MB21D2: variants seen among roughly 807,000 people sequenced by gnomAD.
The protein encoded by MB21D2 is Mab-21 domain containing 2.
A neutral mutation model predicts 33.3 loss-of-function variants in MB21D2; 9 were observed. The ratio of observed to expected loss-of-function variants is 0.27; its 90% CI spans 0.16 to 0.47. The LOEUF is 0.47. Ranked by LOEUF, MB21D2 falls within the 20% of genes least tolerant of loss-of-function variation. MB21D2 has a pLI of 0.99. For synonymous variants in MB21D2, 241 were observed against 236.3 expected (o/e 1.02, Z -0.18); for missense variants, 540 against 624.6 (o/e 0.86, Z 1.44).
chr3:192,828,625 T>C (rs1201874499), intron 1 of MB21D2, among the ~76,000 whole-genome samples: 465 of 29,506 alleles, frequency 0.016, 77 homozygotes, highest in South Asian at 0.068. Flanking sequence ...TATATATATA[T>C]ATATATATAT....
At chr3:192,888,373 C>CTCT (rs1713778812) in intron 1 of MB21D2, among the ~76,000 whole-genome samples, 1 of 152,082 alleles carries the variant, frequency 6.6e-6, no homozygotes, top group Non-Finnish European at 1.5e-5. Flanking sequence ...AGGTTAAACG[C>CTCT]AGTATATCTT....
At chr3:192,833,088 T>A (rs1712356954) in intron 1 of MB21D2, among the ~76,000 whole-genome samples, 1 of 151,954 alleles carries the variant, frequency 6.6e-6, no homozygotes, top group East Asian at 1.9e-4. Flanking sequence ...AAGTCAATAA[T>A]GTTAGGTCAT....
chr3:192,867,048 A>G (rs569939742), intron 1 of MB21D2, among the ~76,000 whole-genome samples: 1 of 152,266 alleles, frequency 6.6e-6, no homozygotes, highest in East Asian at 1.9e-4. Flanking sequence ...CGCAGGTTGG[A>G]GGGAGACAAT....
chr3:192,800,733 G>A (rs994377929), intron 1 of MB21D2, among the ~76,000 whole-genome samples: 2 of 152,196 alleles, frequency 1.3e-5, no homozygotes, highest in African/African-American at 4.8e-5. Context: ...TAACTGAGTT[G>A]TGAGCTGAAC....
chr3:192,908,445 C>G (rs1220284900), intron 1 of MB21D2, among the ~76,000 whole-genome samples: 1 of 149,696 alleles, frequency 6.7e-6, no homozygotes, highest in Non-Finnish European at 1.5e-5. Context: ...GTCGCCCAGG[C>G]TGGAGTACAG....
rs1182935956 is a variant in MB21D2 at position 192,798,151 on chromosome 3, A to G, written c.*235T>C. On this transcript the variant is annotated 3_prime_UTR_variant, in exon 2 of 2. Transcript: ENST00000392452. This position sits in a 1 kb window ranked among gnomAD's most constrained non-coding sequence, Gnocchi z 4.8. ...CTTAAAAAGAAAAAAAACTCCAACA[A>G]ACTAAAGAGCATGACAATAACTACA... 4.3e-6 allele frequency: 2 copies of G among 462,290 alleles called. No individual in the cohort carries two copies. The highest frequency in any genetic ancestry group is 3.8e-5 in the Admixed American group (1 of 25,996). 28.6% of individuals were successfully genotyped at this position (462,290 alleles called of 1,614,324 possible).
At chr3:192,870,311 C>T (rs865930612) in intron 1 of MB21D2, among the ~76,000 whole-genome samples, 1 of 152,130 alleles carries the variant, frequency 6.6e-6, no homozygotes, top group Admixed American at 6.5e-5. Context: ...AAGCCAGAAA[C>T]ATTTAAAGCC....
At chr3:192,897,518 G>A (rs372412232) in intron 1 of MB21D2, among the ~76,000 whole-genome samples, 3 of 152,062 alleles carry the variant, frequency 2.0e-5, no homozygotes, top group East Asian at 1.9e-4. Flanking sequence ...TATTCAGTCC[G>A]GGTGATTATG....
intron 1 of MB21D2, among the ~76,000 whole-genome samples, chr3:192,809,718 G>C (rs1452614184): frequency 1.3e-5 from 2 of 152,200 alleles, no homozygotes; most frequent in Non-Finnish European, 2.9e-5. Flanking sequence ...ATGAGCAAAT[G>C]GGTCAAGGAT....
intron 1 of MB21D2, among the ~76,000 whole-genome samples, chr3:192,844,370 T>C (rs955918951): frequency 6.6e-6 from 1 of 152,220 alleles, no homozygotes. Context: ...CACCCTGTCA[T>C]GAGATGGATG....
At chr3:192,871,748 A>C (rs1577190850) in intron 1 of MB21D2, among the ~76,000 whole-genome samples, 1 of 152,138 alleles carries the variant, frequency 6.6e-6, no homozygotes, top group Non-Finnish European at 1.5e-5. Context: ...CCCTTAAAAC[A>C]GGTTAACAGG....
At chr3:192,898,896 T>G (rs748084005) in intron 1 of MB21D2, among the ~76,000 whole-genome samples, 1 of 152,114 alleles carries the variant, frequency 6.6e-6, no homozygotes, top group East Asian at 1.9e-4. Context: ...TTAAGTGGGA[T>G]GAGAGAGATG....
intron 1 of MB21D2, among the ~76,000 whole-genome samples, chr3:192,820,259 A>G (rs1712014810): frequency 6.6e-6 from 1 of 152,224 alleles, no homozygotes; most frequent in Admixed American, 6.5e-5. Flanking sequence ...ATTTATGAGT[A>G]TCATGAAACA....
chr3:192,832,378 A>C lies in MB21D2; in HGVS notation c.212-32728T>G, dbSNP rs542451360. On this transcript the variant is annotated intron_variant, in intron 1 of 1. Transcript: ENST00000392452. ...AAGTGAAAGATTTTACTGAAGGCCA[A>C]TGCAAAAAACTTGTCTTACCAAGTA... 1.8e-4 allele frequency among the ~76,000 whole-genome samples: 28 copies of C among 152,356 alleles called. No individual in the cohort carries two copies. The South Asian group carries it at 2.5e-3, about 14-fold the overall frequency.
intron 1 of MB21D2, among the ~76,000 whole-genome samples, chr3:192,892,733 G>A (rs1398938095): frequency 9.2e-5 from 14 of 152,078 alleles, no homozygotes; most frequent in Admixed American, 9.2e-4. Flanking sequence ...GTGAGCCACC[G>A]CGCCCGGCCA....
rs575844827 is a variant in MB21D2, at chr3:192,875,782, T to C, written c.211+41848A>G. Reference sequence around the variant, plus strand: ...TTGCCTAACAAAGTTGCCATAATCATGTTAAGACAGGGCAGGTGGAATCAA... The same window carrying C: ...TTGCCTAACAAAGTTGCCATAATCACGTTAAGACAGGGCAGGTGGAATCAA... On this transcript the variant is annotated intron_variant, in intron 1 of 1. Transcript: ENST00000392452. Among the ~76,000 whole-genome samples, 5 of 152,320 alleles carry C rather than the reference T, an allele frequency of 3.3e-5. No individual in the cohort carries two copies. The East Asian group carries it at 9.7e-4, about 29-fold the overall frequency.
Position 192,798,755 on chromosome 3 carries a change from C to G in MB21D2, c.1107G>C (p.Leu369=). 6.2e-7 allele frequency: 1 copy of G among 1,613,360 alleles called. No homozygotes were observed. Among genetic ancestry groups the G allele is most frequent in the Non-Finnish European group, 8.5e-7 (1 of 1,180,006 alleles). The change falls in exon 2 of 2, where the codon CTG becomes CTC. Residue 369 remains leucine (L), a synonymous_variant. Transcript: ENST00000392452. The surrounding 1 kb of genome is among the most constrained non-coding windows in gnomAD (Gnocchi z 4.8). ...LGLIDDLQHC[L]VNKMCPNYFI... Reference sequence around the variant, plus strand: ...AATAATTGGGGCACATCTTGTTGACCAGACAGTGTTGCAGGTCATCGATGA... The same window carrying G: ...AATAATTGGGGCACATCTTGTTGACGAGACAGTGTTGCAGGTCATCGATGA...
intron 1 of MB21D2, among the ~76,000 whole-genome samples, chr3:192,803,727 G>A (rs1306020635): frequency 2.0e-5 from 3 of 152,148 alleles, no homozygotes; most frequent in Admixed American, 6.5e-5. Flanking sequence ...TCAACTGTAC[G>A]CTTTGGCTGT....
chr3:192,855,753 T>C (rs556934324), intron 1 of MB21D2, among the ~76,000 whole-genome samples: 64 of 152,216 alleles, frequency 4.2e-4, no homozygotes, highest in African/African-American at 1.4e-3. Flanking sequence ...ATTTACAGGA[T>C]AGAAAATGAA....
Sources: gnomAD v4.1 joint callset for allele counts (sites outside exome capture counted in the v4.1 genomes callset) on GRCh38, gnomAD v4.1.1 for gene constraint, Gnocchi (gnomAD v3.1) non-coding constraint, MANE v1.5 for transcripts, NCBI Gene and HGNC (gene_info 2026-07-23, HGNC 2026-07-21) for gene names.